TPCN1: variants seen among roughly 807,000 people sequenced by gnomAD.
TPCN1 encodes the protein two pore channel protein 1.
Under a neutral mutation model 108.8 loss-of-function variants are expected in TPCN1, and 52 were observed. The observed-to-expected ratio is 0.48, with a 90% CI of 0.38 to 0.60. The LOEUF is 0.60. Among genes scored for constraint, TPCN1 ranks in the 20% least tolerant of loss-of-function variants. The probability of loss-of-function intolerance (pLI) is 0.00; values close to 1 mark genes in which losing one functional copy is unlikely to be tolerated. For missense variants in TPCN1, 806 were observed against 1,072.8 expected (o/e 0.75, Z 3.47); for synonymous variants, 446 against 433.7 (o/e 1.03, Z -0.35).
intron 2 of TPCN1, among the ~76,000 whole-genome samples, chr12:113,237,464 C>G (rs1026586920): frequency 6.6e-6 from 1 of 152,082 alleles, no homozygotes; most frequent in Non-Finnish European, 1.5e-5. Context: ...TCAAGCAATT[C>G]TAGTGCCCCA....
At chr12:113,227,223 T>C (rs1056647074) in intron 2 of TPCN1, among the ~76,000 whole-genome samples, 4 of 152,200 alleles carry the variant, frequency 2.6e-5, no homozygotes, top group Non-Finnish European at 5.9e-5. Flanking sequence ...GCCTTGCACC[T>C]GAGGTACCTT....
At chr12:113,234,224 C>T (rs1376380276) in intron 2 of TPCN1, among the ~76,000 whole-genome samples, 2 of 152,186 alleles carry the variant, frequency 1.3e-5, no homozygotes, top group East Asian at 3.8e-4. Context: ...GGAAACTAGG[C>T]TTTTCCCCCA....
intron 27 of TPCN1, 52 bp downstream of exon 27, chr12:113,293,401 G>A (rs1956332179): frequency 1.3e-6 from 2 of 1,555,338 alleles, no homozygotes; most frequent in East Asian, 2.2e-5. Flanking sequence ...TATGTCCTGG[G>A]AGGGGCAGGG....
intron 2 of TPCN1, among the ~76,000 whole-genome samples, chr12:113,236,173 A>G (rs553782718): frequency 6.6e-6 from 1 of 152,296 alleles, no homozygotes; most frequent in East Asian, 1.9e-4. Context: ...AGCAGTTGGC[A>G]ATGATGGCAA....
chr12:113,232,224 T>G lies in TPCN1; in HGVS notation c.112+5260T>G, dbSNP rs936681488. On this transcript the variant is annotated intron_variant, in intron 2 of 27. Transcript: ENST00000335509. This position sits in a 1 kb window ranked among gnomAD's most constrained non-coding sequence, Gnocchi z 5.6. ...ACAGCGCAGAGAGCTGACCTCTCCC[T>G]CCTTCACGCCGATGCCTGGCACATC... is the stretch of plus-strand genomic sequence containing the variant. 1.3e-5 allele frequency among the ~76,000 whole-genome samples: 2 copies of G among 152,238 alleles called. No individual in the cohort carries two copies. Among genetic ancestry groups the G allele is most frequent in the African/African-American group, 2.4e-5 (1 of 41,470 alleles).
In TPCN1 at chr12:113,278,326, C is replaced by T; in HGVS notation, c.1233+89C>T. 3 of 1,200,258 alleles carry T rather than the reference C, an allele frequency of 2.5e-6. No homozygotes were observed. The South Asian group carries it at 3.7e-5, about 15-fold the overall frequency. The allele number at this position is 1,200,258 out of a possible 1,614,324, so 74.4% of individuals were successfully genotyped here. ...AGCAGGGGCACCCCGAGATCCAGCTCTCTCCCTGCTAGAGCAGCTCAGCCC... is the reference window on the plus strand; with the variant it reads ...AGCAGGGGCACCCCGAGATCCAGCTTTCTCCCTGCTAGAGCAGCTCAGCCC... On this transcript the variant is annotated intron_variant, in intron 13 of 27. Coordinates refer to ENST00000335509, the MANE Select transcript of TPCN1 (RefSeq NM_017901.6).
At chr12:113,246,397 CCCCAGAGG>C (rs1353775209) in intron 2 of TPCN1, among the ~76,000 whole-genome samples, 1 of 152,230 alleles carries the variant, frequency 6.6e-6, no homozygotes, top group Non-Finnish European at 1.5e-5. Context: ...GTGGAACTTT[CCCCAGAGG>C]CCCAGAACAG....
At chr12:113,249,046 C>G (rs902044022) in intron 2 of TPCN1, among the ~76,000 whole-genome samples, 8 of 152,108 alleles carry the variant, frequency 5.3e-5, no homozygotes, top group Non-Finnish European at 1.0e-4. Context: ...GGAGGAGCCT[C>G]CTGATTCCTG....
intron 2 of TPCN1, among the ~76,000 whole-genome samples, chr12:113,241,467 G>A (rs889647154): frequency 2.0e-5 from 3 of 152,236 alleles, no homozygotes; most frequent in Admixed American, 6.5e-5. Flanking sequence ...CTTTTGATCT[G>A]TGCTGAGTGG....
intron 2 of TPCN1, among the ~76,000 whole-genome samples, chr12:113,240,560 G>A (rs561848355): frequency 6.6e-6 from 1 of 152,288 alleles, no homozygotes; most frequent in South Asian, 2.1e-4. Flanking sequence ...AGGACTTTCT[G>A]CATTGAGGAT....
In TPCN1 at chr12:113,221,502, G is replaced by T. The variant is rs1469063758; in HGVS notation, c.-250G>T. On this transcript the variant is annotated 5_prime_UTR_variant, in exon 1 of 28. Coordinates refer to ENST00000335509, the MANE Select transcript of TPCN1 (RefSeq NM_017901.6). ...TGCCCTGGTGGCAGTGGCTGAAGTG[G>T]CGGCGGCTTCGGCGGCTGCGGCGGC... The T allele has an allele frequency of 3.4e-6, 1 of 291,882 alleles. No homozygotes were observed. The highest frequency in any genetic ancestry group is 2.2e-5 in the African/African-American group (1 of 45,220). 18.1% of individuals were successfully genotyped at this position (291,882 alleles called of 1,614,324 possible). A position where few individuals can be genotyped will look rare whatever the true frequency, so the allele number is the denominator to read the frequency against.
At chr12:113,279,339 ATATATATGTGTGTGTGTGTG>A (rs1955787641) in intron 14 of TPCN1, among the ~76,000 whole-genome samples, 4 of 98,596 alleles carry the variant, frequency 4.1e-5, no homozygotes, top group Non-Finnish European at 5.7e-5. Context: ...GTGTGTGTGT[ATATATATGTGTGTGTGTGTG>A]TATATATATA....
rs1953224816 is a variant in TPCN1 at position 113,221,614 on chromosome 12, TG to T, written c.-134del. ...GACCCCGGCGCGCGGTCCGGGTTGC[TG>T]GGGCGGCGCGTGTAAGAATCCGAGG... is the stretch of plus-strand genomic sequence containing the variant. On this transcript the variant is annotated 5_prime_UTR_variant, in exon 1 of 28. Transcript: ENST00000335509. The T allele has an allele frequency of 1.1e-5, 2 of 180,810 alleles. No homozygotes were observed. Among genetic ancestry groups the T allele is most frequent in the Non-Finnish European group, 2.3e-5 (2 of 88,098 alleles). 11.2% of individuals were successfully genotyped at this position (180,810 alleles called of 1,614,324 possible).
At chr12:113,278,335 C>T (rs990978496) in intron 13 of TPCN1, 98 bp downstream of exon 13, 1 of 1,113,714 alleles carries the variant, frequency 9.0e-7, no homozygotes, top group Non-Finnish European at 1.4e-6. Flanking sequence ...TCTCTCCCTG[C>T]TAGAGCAGCT....
Position 113,288,694 on chromosome 12 carries a change from G to C in TPCN1, c.1707-64G>C, listed in dbSNP as rs937079424. On this transcript the variant is annotated intron_variant, in intron 20 of 27. Coordinates refer to ENST00000335509, the MANE Select transcript of TPCN1 (RefSeq NM_017901.6). The surrounding 1 kb of genome is among the most constrained non-coding windows in gnomAD (Gnocchi z 4.8). ...TCAGCCCCACGGGTCCGAGGAGGCCGGGGCTGCAGAGGAGCCGTTCCCTCC... is the reference window on the plus strand; with the variant it reads ...TCAGCCCCACGGGTCCGAGGAGGCCCGGGCTGCAGAGGAGCCGTTCCCTCC... 6.3e-7 allele frequency: 1 copy of C among 1,597,016 alleles called. No individual in the cohort carries two copies. The highest frequency in any genetic ancestry group is 1.3e-5 in the African/African-American group (1 of 74,814).
chr12:113,291,561 C>G (rs1311682409), intron 23 of TPCN1, 48 bp from the exon 24 acceptor site: 1 of 1,546,670 alleles, frequency 6.5e-7, no homozygotes, highest in Middle Eastern at 1.7e-4. Flanking sequence ...AGACGGGGAC[C>G]TGCCCTGCAT....
At chr12:113,283,128 A>T (rs1345046910) in intron 15 of TPCN1, among the ~76,000 whole-genome samples, 1 of 152,190 alleles carries the variant, frequency 6.6e-6, no homozygotes, top group African/African-American at 2.4e-5. Flanking sequence ...TCCAAGTCAG[A>T]TCTACCAAAA....
chr12:113,230,916 C>T (rs1953664327), intron 2 of TPCN1, among the ~76,000 whole-genome samples: 1 of 152,246 alleles, frequency 6.6e-6, no homozygotes, highest in Non-Finnish European at 1.5e-5. Flanking sequence ...CCTCCTGCCG[C>T]CTCTCCTCAC....
rs897686569 is a variant in TPCN1, at chr12:113,289,736, T to C, written c.1797-392T>C. Among the ~76,000 whole-genome samples the C allele has an allele frequency of 2.0e-5, 3 of 152,176 alleles. No individual in the cohort carries two copies. The East Asian group carries it at 5.8e-4, about 29-fold the overall frequency. ...AGGCCAAGTATTGGGGAAGCCCCAG[T>C]AGGGAATTCCTTCCCTGGGACTGTG... On this transcript the variant is annotated intron_variant, in intron 21 of 27. Coordinates refer to ENST00000335509, the MANE Select transcript of TPCN1 (RefSeq NM_017901.6). The surrounding 1 kb of genome is among the most constrained non-coding windows in gnomAD (Gnocchi z 4.1).
Sources: gnomAD v4.1 joint callset for allele counts (sites outside exome capture counted in the v4.1 genomes callset) on GRCh38, gnomAD v4.1.1 for gene constraint, Gnocchi (gnomAD v3.1) non-coding constraint, MANE v1.5 for transcripts, NCBI Gene and HGNC (gene_info 2026-07-23, HGNC 2026-07-21) for gene names.